Variants in EPM2A observed in about 807,000 individuals in gnomAD.
EPM2A encodes laforin.
Under a neutral mutation model 26.5 loss-of-function variants are expected in EPM2A, and 21 were observed. The ratio of observed to expected loss-of-function variants is 0.79; its 90% CI spans 0.56 to 1.14. The LOEUF is 1.14. EPM2A is among the 50% of genes most tolerant of loss of function. EPM2A has a pLI of 0.00. For missense variants in EPM2A, 458 were observed against 440.8 expected, an observed-to-expected ratio of 1.04 and a Z score of -0.35; for synonymous variants, 217 against 177.6, an observed-to-expected ratio of 1.22 and a Z score of -1.76.
At chr6:145,593,006 G>A (rs866668107) in intron 2 of EPM2A, among the ~76,000 whole-genome samples, 48 of 151,992 alleles carry the variant, frequency 3.2e-4, no homozygotes, top group Admixed American at 1.0e-3. Flanking sequence ...TTAAAAGACA[G>A]AGATTGTCAA....
chr6:145,676,339 G>C (rs1481416357), intron 2 of EPM2A, among the ~76,000 whole-genome samples: 2 of 152,102 alleles, frequency 1.3e-5, no homozygotes, highest in African/African-American at 4.8e-5. Flanking sequence ...ATATAAAATT[G>C]ACACCCTAAC....
chr6:145,466,296 GA>G (rs754177502), intron 4 of EPM2A, among the ~76,000 whole-genome samples: 2,300 of 151,492 alleles, frequency 0.015, 28 homozygotes, highest in Non-Finnish European at 0.025. Context: ...AAATTTACAA[GA>G]AAAAAACAAA....
chr6:145,576,723 T>A lies in EPM2A; in HGVS notation c.340+58522A>T, dbSNP rs1037805191. Among the ~76,000 whole-genome samples the A allele has an allele frequency of 2.6e-5, 4 of 152,124 alleles. No individual in the cohort carries two copies. In the South Asian group the frequency reaches 6.2e-4, roughly 24 times the overall value. Reference sequence around the variant, plus strand: ...AAAGTATAAAACTCACTGGTAAAAGTAAGTACACAAAGATAGAATATGTTA... The same window carrying A: ...AAAGTATAAAACTCACTGGTAAAAGAAAGTACACAAAGATAGAATATGTTA... On this transcript the variant is annotated intron_variant, in intron 2 of 3. Coordinates refer to the EPM2A transcript ENST00000450221.
At chr6:145,471,419 AC>A (rs753324443) in intron 4 of EPM2A, among the ~76,000 whole-genome samples, 3 of 152,136 alleles carry the variant, frequency 2.0e-5, no homozygotes, top group Non-Finnish European at 2.9e-5. Context: ...ACAACTATCT[AC>A]ACAGGAAAAA....
At chr6:145,384,172 G>A (rs764463426) in intron 4 of EPM2A, 2 of 152,066 alleles carry the variant, frequency 1.3e-5, no homozygotes, top group African/African-American at 2.4e-5. Context: ...TAGGTAAGTA[G>A]TCAAAAATGA....
chr6:145,705,800 A>C (rs1255218229), intron 1 of EPM2A: 10 of 449,494 alleles, frequency 2.2e-5, no homozygotes, highest in Admixed American at 4.8e-5. Context: ...TAACAAAGAT[A>C]TACTTCTTCA....
chr6:145,465,016 T>C (rs1779370262), intron 4 of EPM2A, among the ~76,000 whole-genome samples: 1 of 152,082 alleles, frequency 6.6e-6, no homozygotes, highest in African/African-American at 2.4e-5. Context: ...ATCTGAATGT[T>C]GGCCTGCCTT....
At chr6:145,615,882 A>T (rs1408534850) in intron 2 of EPM2A, among the ~76,000 whole-genome samples, 2 of 152,214 alleles carry the variant, frequency 1.3e-5, no homozygotes, top group African/African-American at 2.4e-5. Context: ...AAAGCATTCA[A>T]GATGTGACTC....
chr6:145,582,301 G>C (rs995570352), intron 2 of EPM2A, among the ~76,000 whole-genome samples: 2 of 152,136 alleles, frequency 1.3e-5, no homozygotes, highest in African/African-American at 4.8e-5. Flanking sequence ...TGGTACAAGA[G>C]TGTGGTTGGT....
intron 1 of EPM2A, among the ~76,000 whole-genome samples, chr6:145,707,779 C>T (rs1782308029): frequency 3.9e-5 from 6 of 152,112 alleles, no homozygotes; most frequent in Admixed American, 3.9e-4. Context: ...AGCATGGGAA[C>T]AGACTAATAT....
At chr6:145,406,034 C>T (rs533324668) in intron 4 of EPM2A, among the ~76,000 whole-genome samples, 1 of 151,674 alleles carries the variant, frequency 6.6e-6, no homozygotes, top group Non-Finnish European at 1.5e-5. Context: ...CACACACACA[C>T]ACAGTATATT....
At chr6:145,632,811 G>T (rs1194760593) in intron 3 of EPM2A, among the ~76,000 whole-genome samples, 23 of 152,172 alleles carry the variant, frequency 1.5e-4, no homozygotes, top group Non-Finnish European at 5.9e-5. Flanking sequence ...TGGTCTATTG[G>T]TAAAAAGTTC....
At chr6:145,671,466 G>T in intron 2 of EPM2A, 1 of 769,334 alleles carries the variant, frequency 1.3e-6, no homozygotes, top group Non-Finnish European at 1.6e-6. Flanking sequence ...GGCAAAATGT[G>T]ATATAAGCCT....
At chr6:145,489,037 A>G (rs138618194) in intron 4 of EPM2A, among the ~76,000 whole-genome samples, 2 of 152,322 alleles carry the variant, frequency 1.3e-5, no homozygotes, top group African/African-American at 2.4e-5. Context: ...GAAACGGCAC[A>G]TGGGTATGGA....
intron 4 of EPM2A, among the ~76,000 whole-genome samples, chr6:145,391,480 G>A (rs1342100612): frequency 1.3e-5 from 2 of 152,102 alleles, no homozygotes; most frequent in Admixed American, 1.3e-4. Flanking sequence ...GTGAACATGA[G>A]ACATGTAATG....
At chr6:145,492,981 T>C (rs1416226251) in intron 4 of EPM2A, among the ~76,000 whole-genome samples, 2 of 152,172 alleles carry the variant, frequency 1.3e-5, no homozygotes, top group Non-Finnish European at 2.9e-5. Flanking sequence ...GACCCATCCT[T>C]TCTACCCAGA....
chr6:145,397,986 T>G (rs1414659891), intron 4 of EPM2A, among the ~76,000 whole-genome samples: 1 of 152,194 alleles, frequency 6.6e-6, no homozygotes, highest in Non-Finnish European at 1.5e-5. Flanking sequence ...TTTAGTGTTT[T>G]AGGAATTTTC....
In EPM2A at chr6:145,384,749, T is replaced by C. The variant is rs1778235773; in HGVS notation, c.556-652A>G. On this transcript the variant is annotated intron_variant, in intron 4 of 4. Transcript: ENST00000638717. ...TATGCATCTGGATCCTGAATATGCA[T>C]GTGGATATGCATCCAAGTACAGATC... is the stretch of plus-strand genomic sequence containing the variant. Among the ~76,000 whole-genome samples the C allele has an allele frequency of 1.4e-5, 2 of 147,606 alleles. 1 individual carries two copies. The highest frequency in any genetic ancestry group is 6.5e-3 in the Middle Eastern group (2 of 310).
chr6:145,658,726 A>G (rs566142890), intron 2 of EPM2A, among the ~76,000 whole-genome samples: 1 of 152,218 alleles, frequency 6.6e-6, no homozygotes, highest in Non-Finnish European at 1.5e-5. Context: ...AAAGTAGTGA[A>G]AAGACACAGT....
Sources: gnomAD v4.1 joint callset for allele counts (sites outside exome capture counted in the v4.1 genomes callset) on GRCh38, gnomAD v4.1.1 for gene constraint, MANE v1.5 for transcripts, NCBI Gene and HGNC (gene_info 2026-07-23, HGNC 2026-07-21) for gene names.